USP22: variants seen among roughly 807,000 people sequenced by gnomAD.
The protein encoded by USP22 is ubiquitin specific peptidase 22.
A neutral mutation model predicts 68.1 loss-of-function variants in USP22; 22 were observed. The ratio of observed to expected loss-of-function variants is 0.32; its 90% CI spans 0.23 to 0.46. The LOEUF (loss-of-function observed/expected upper bound fraction) is 0.46. Ranked by LOEUF, USP22 falls within the 20% of genes least tolerant of loss-of-function variation. The probability of loss-of-function intolerance (pLI) is 1.00; values close to 1 mark genes in which losing one functional copy is unlikely to be tolerated. For synonymous variants in USP22, 279 were observed against 274.2 expected (o/e 1.02, Z -0.17); for missense variants, 433 against 695.8 (o/e 0.62, Z 4.25).
chr17:21,018,225 C>CGAG (rs1555529790), intron 4 of USP22, 114 bp from the exon 5 acceptor site: 5 of 1,020,190 alleles, frequency 4.9e-6, no homozygotes, highest in Non-Finnish European at 6.9e-6. Flanking sequence ...TTCATTCATT[C>CGAG]AAGCCAGAAC....
rs181690376 is a variant in USP22, at chr17:21,031,115, T to C, written c.172-2441A>G. On this transcript the variant is annotated intron_variant, in intron 1 of 12. Coordinates refer to ENST00000261497, the MANE Select transcript of USP22 (RefSeq NM_015276.2). Reference sequence around the variant, plus strand: ...TTCTTGCTATTTGTTGTAGGTTTCTTATTTTCCAAATAAATGGATAGAAGA... The same window carrying C: ...TTCTTGCTATTTGTTGTAGGTTTCTCATTTTCCAAATAAATGGATAGAAGA... Among the ~76,000 whole-genome samples the C allele has an allele frequency of 1.3e-3, 197 of 152,352 alleles. 5 individuals are homozygous for C. Among genetic ancestry groups the C allele is most frequent in the Admixed American group, 0.012 (185 of 15,308 alleles).
At chr17:21,024,281 C>T (rs1290860440) in intron 2 of USP22, among the ~76,000 whole-genome samples, 1 of 152,090 alleles carries the variant, frequency 6.6e-6, no homozygotes, top group East Asian at 1.9e-4. Flanking sequence ...GAAAAACAGC[C>T]CACACATGTA....
intron 7 of USP22, 144 bp from the exon 8 acceptor site, chr17:21,011,453 GAGC>G: frequency 9.3e-7 from 1 of 1,080,240 alleles, no homozygotes; most frequent in Non-Finnish European, 1.3e-6. Flanking sequence ...GCAGGAGCAA[GAGC>G]AGCAGTGCTC....
intron 1 of USP22, among the ~76,000 whole-genome samples, chr17:21,029,770 G>A (rs936956238): frequency 6.6e-6 from 1 of 152,212 alleles, no homozygotes; most frequent in Non-Finnish European, 1.5e-5. Flanking sequence ...ATCATGCTAA[G>A]TGAAGGAAGC....
rs1449121214 is a variant in USP22 at position 21,004,344 on chromosome 17, G to C, written c.1393C>G (p.Leu465Val). 1.9e-6 allele frequency: 3 copies of C among 1,614,158 alleles called. No individual in the cohort carries two copies. The South Asian group carries it at 3.3e-5, about 18-fold the overall frequency. Residue 465 changes from leucine (L) to valine (V), a missense_variant, in exon 12 of 13, where the codon CTG (leucine) becomes GTG (valine). Physicochemically the swap from Leu to Val is conservative, Grantham distance 32. Transcript: ENST00000261497. The stretch of plus-strand genomic sequence containing the variant: ...CCTTGATGGTTAACAACAGCAAACA[G>C]GGAATACCTAGTGCAGGAGCAAAGG... ...DSLNNDNKYSLFAVVNHQGTL... is the reference protein window; with the variant it reads ...DSLNNDNKYSVFAVVNHQGTL...
At chr17:21,014,503 C>T (rs1047916121) in intron 6 of USP22, among the ~76,000 whole-genome samples, 1 of 152,126 alleles carries the variant, frequency 6.6e-6, no homozygotes, top group Non-Finnish European at 1.5e-5. Flanking sequence ...AAAAGGATCA[C>T]GTAGTTTTTC....
chr17:21,017,277 T>C (rs994640058), intron 5 of USP22, among the ~76,000 whole-genome samples: 8 of 152,206 alleles, frequency 5.3e-5, no homozygotes, highest in African/African-American at 1.7e-4. Flanking sequence ...CCAGGGCTGT[T>C]GGCTGGCTCC....
intron 1 of USP22, among the ~76,000 whole-genome samples, chr17:21,032,181 G>A (rs954686237): frequency 1.3e-5 from 2 of 152,222 alleles, no homozygotes; most frequent in Admixed American, 6.5e-5. Context: ...TTGCTGCCTA[G>A]GAGCAACAGG....
rs1011789244 is a variant in USP22 at position 21,018,420 on chromosome 17, T to C, written c.521-309A>G. On this transcript the variant is annotated intron_variant, in intron 4 of 12. Transcript: ENST00000261497. ...CCTAATGAACAAACAAAACAGGTTTTTAAAAATGTTCTAGGGCCAGGGCAG... is the reference window on the plus strand; with the variant it reads ...CCTAATGAACAAACAAAACAGGTTTCTAAAAATGTTCTAGGGCCAGGGCAG... 1.4e-4 allele frequency: 23 copies of C among 169,020 alleles called. 1 individual carries two copies. The highest frequency in any genetic ancestry group is 6.7e-4 in the African/African-American group (20 of 29,744). The allele number at this position is 169,020 out of a possible 1,614,324, so 10.5% of individuals were successfully genotyped here. A position where few individuals can be genotyped will look rare whatever the true frequency, so the allele number is the denominator to read the frequency against.
intron 7 of USP22, chr17:21,011,574 A>G: frequency 2.3e-6 from 1 of 431,650 alleles, no homozygotes; most frequent in Non-Finnish European, 4.3e-6. Context: ...GGAGACCATC[A>G]CAGTCACTGA....
Position 21,028,574 on chromosome 17 carries a change from T to G in USP22, c.272A>C (p.His91Pro). The change falls in exon 2 of 13, where the codon CAC becomes CCC. Residue 91 changes from histidine (H) to proline (P), a missense_variant. Around this residue, in one of 4 missense-constraint regions of USP22, gnomAD observed 144 missense variants for 237.2 expected, o/e 0.61. Coordinates refer to ENST00000261497, the MANE Select transcript of USP22 (RefSeq NM_015276.2). ...GTGCCGCTTCGCCTTCGCATGCTCG[T>G]GAATATGCTTCTTTGTGAAACAGCC... Reference protein sequence around the residue: ...FFGCFTKKHIHEHAKAKRHNL... With the variant: ...FFGCFTKKHIPEHAKAKRHNL... 1 of 1,613,760 alleles carries G rather than the reference T, an allele frequency of 6.2e-7. No homozygotes were observed. The highest frequency in any genetic ancestry group is 1.1e-5 in the South Asian group (1 of 91,064).
intron 1 of USP22, among the ~76,000 whole-genome samples, chr17:21,034,724 T>C (rs1340718087): frequency 5.9e-5 from 9 of 152,190 alleles, no homozygotes; most frequent in Non-Finnish European, 1.2e-4. Flanking sequence ...CCACTTTTAT[T>C]TGGCTTAATA....
chr17:21,032,782 T>A (rs113698492), intron 1 of USP22, among the ~76,000 whole-genome samples: 1 of 151,562 alleles, frequency 6.6e-6, no homozygotes, highest in Non-Finnish European at 1.5e-5. Flanking sequence ...CTACAAAAAA[T>A]GCAAAAATTA....
upstream of USP22, chr17:21,043,063 T>C (rs902231117): frequency 6.1e-5 from 12 of 198,040 alleles, no homozygotes; most frequent in Non-Finnish European, 1.2e-4. Context: ...CGCTGCGCTC[T>C]CGCGGTTCGC....
chr17:21,020,244 CA>C (rs3047597), intron 3 of USP22, among the ~76,000 whole-genome samples: 103 of 73,270 alleles, frequency 1.4e-3, no homozygotes, highest in Middle Eastern at 0.011. Context: ...AATCAAAAAC[CA>C]AAAAAAAAAA....
chr17:21,021,106 A>G lies in USP22; in HGVS notation c.418+7T>C. 6.2e-7 allele frequency: 1 copy of G among 1,611,608 alleles called. No homozygotes were observed. The highest frequency in any genetic ancestry group is 1.3e-5 in the African/African-American group (1 of 74,976). The stretch of plus-strand genomic sequence containing the variant: ...GATCAAGCAGGTAAACTGAGGTGGA[A>G]CCAAACCTTGCATTTTCCAAGCTTT... On this transcript the variant is annotated splice_region_variant and intron_variant, in intron 3 of 12. Transcript: ENST00000261497.
chr17:21,023,071 T>C (rs1455765630), intron 2 of USP22, among the ~76,000 whole-genome samples: 3 of 152,076 alleles, frequency 2.0e-5, no homozygotes, highest in Admixed American at 6.6e-5. Flanking sequence ...AAAACTAACA[T>C]AGGAACAGAA....
At chr17:21,003,969 C>T (rs4985958) in intron 12 of USP22, among the ~76,000 whole-genome samples, 151,919 of 152,048 alleles carry the variant, frequency 1, 75,896 homozygotes, top group Middle Eastern at 1. Flanking sequence ...ACTGCTCTGA[C>T]GTTCTCTGTG....
intron 1 of USP22, among the ~76,000 whole-genome samples, chr17:21,042,064 C>T (rs1972440602): frequency 6.6e-6 from 1 of 152,264 alleles, no homozygotes; most frequent in African/African-American, 2.4e-5. Flanking sequence ...CCCCAGCTCC[C>T]GTCCAAGGTC....
Sources: gnomAD v4.1 joint callset for allele counts (sites outside exome capture counted in the v4.1 genomes callset) on GRCh38, gnomAD v4.1.1 for gene constraint, gnomAD v4.1.1 regional missense constraint, MANE v1.5 for transcripts, NCBI Gene and HGNC (gene_info 2026-07-23, HGNC 2026-07-21) for gene names.